The following HORMAD2 variants were observed in gnomAD, a reference collection of about 807,000 sequenced individuals.
HORMAD2 encodes the protein HORMA domain containing 2.
HORMAD2 carries 45 observed loss-of-function variants against 38.8 expected under a neutral mutation model. The ratio of observed to expected loss-of-function variants is 1.16; its 90% confidence interval spans 0.91 to 1.49. The LOEUF is 1.49. Ranked by LOEUF, HORMAD2 falls within the 40% of genes most tolerant of loss-of-function variation. HORMAD2 has a pLI of 0.00. For synonymous variants in HORMAD2, 126 were observed against 122.8 expected, an observed-to-expected ratio of 1.03 and a Z score of -0.17; for missense variants, 338 against 367.0, an observed-to-expected ratio of 0.92 and a Z score of 0.65.
chr22:30,192,880 C>G, the HORMAD2 span, among the ~76,000 whole-genome samples: 1 of 152,120 alleles, frequency 6.6e-6, no homozygotes, highest in African/African-American at 2.4e-5. Context: ...GGTTTCCGTA[C>G]TATAACAGGG....
At chr22:30,126,536 A>T (rs922391869) in intron 10 of HORMAD2, among the ~76,000 whole-genome samples, 3 of 152,134 alleles carry the variant, frequency 2.0e-5, no homozygotes, top group Non-Finnish European at 4.4e-5. Flanking sequence ...GTTGTTGTAG[A>T]CCATCCTGAC....
chr22:30,084,883 C>T (rs910583888), intron 1 of HORMAD2, among the ~76,000 whole-genome samples: 5 of 152,168 alleles, frequency 3.3e-5, no homozygotes, highest in South Asian at 2.1e-4. Flanking sequence ...TGGTGGCTCA[C>T]GCCTGTAATC....
At chr22:30,088,244 TACATATACAC>T (rs2068619790) in intron 1 of HORMAD2, among the ~76,000 whole-genome samples, 1 of 149,758 alleles carries the variant, frequency 6.7e-6, no homozygotes, top group Non-Finnish European at 1.5e-5. Context: ...CACACATATA[TACATATACAC>T]ACATATATAC....
At chr22:30,188,512 C>A in the HORMAD2 span, among the ~76,000 whole-genome samples, 3 of 152,310 alleles carry the variant, frequency 2.0e-5, no homozygotes, top group East Asian at 5.8e-4. Context: ...CAAGGGCCAA[C>A]TTTTTCAAAG....
the HORMAD2 span, among the ~76,000 whole-genome samples, chr22:30,186,971 A>G: frequency 1.3e-5 from 2 of 152,158 alleles, no homozygotes; most frequent in African/African-American, 4.8e-5. Flanking sequence ...TCTGGGAAGT[A>G]AGAATTTTCG....
At chr22:30,160,219 C>T (rs1368010248) in intron 10 of HORMAD2, among the ~76,000 whole-genome samples, 1 of 151,672 alleles carries the variant, frequency 6.6e-6, no homozygotes. Flanking sequence ...AGCATGGTGC[C>T]TTGAATCTTC....
intron 10 of HORMAD2, among the ~76,000 whole-genome samples, chr22:30,141,755 C>T (rs926975003): frequency 1.3e-5 from 2 of 151,884 alleles, no homozygotes; most frequent in Non-Finnish European, 2.9e-5. Context: ...CCACCACCCC[C>T]GGCTAATTTT....
intron 10 of HORMAD2, among the ~76,000 whole-genome samples, chr22:30,155,088 A>G (rs1002265139): frequency 4.0e-5 from 6 of 151,748 alleles, no homozygotes; most frequent in Non-Finnish European, 8.8e-5. Flanking sequence ...AAAAAAAAAA[A>G]AAAAGAAAGA....
chr22:30,173,342 A>G (rs1006475857), intron 10 of HORMAD2, among the ~76,000 whole-genome samples: 5 of 152,236 alleles, frequency 3.3e-5, no homozygotes, highest in Non-Finnish European at 7.3e-5. Flanking sequence ...TCATAGTGGC[A>G]GTAGGGACCA....
At chr22:30,167,731 A>T (rs13057878) in intron 10 of HORMAD2, among the ~76,000 whole-genome samples, 8,927 of 152,262 alleles carry the variant, frequency 0.059, 480 homozygotes, top group South Asian at 0.23. Flanking sequence ...GCCCAAGGAA[A>T]GATCAACCCC....
chr22:30,097,507 C>A (rs776819815), intron 2 of HORMAD2, among the ~76,000 whole-genome samples: 33 of 152,182 alleles, frequency 2.2e-4, no homozygotes, highest in Non-Finnish European at 4.6e-4. Flanking sequence ...TGACATCTTA[C>A]AGAAGCTTTG....
intron 1 of HORMAD2, among the ~76,000 whole-genome samples, chr22:30,086,881 A>G (rs1482575370): frequency 6.6e-6 from 1 of 152,140 alleles, no homozygotes; most frequent in South Asian, 2.1e-4. Flanking sequence ...TGCAACCTCC[A>G]TCTACTGGGT....
intron 10 of HORMAD2, among the ~76,000 whole-genome samples, chr22:30,165,745 G>A (rs1925737209): frequency 6.6e-6 from 1 of 151,974 alleles, no homozygotes; most frequent in African/African-American, 2.4e-5. Context: ...CACCTGAATA[G>A]TCTGCCAATT....
At chr22:30,144,632 G>T (rs1292915982) in intron 10 of HORMAD2, among the ~76,000 whole-genome samples, 1 of 151,972 alleles carries the variant, frequency 6.6e-6, no homozygotes, top group Non-Finnish European at 1.5e-5. Flanking sequence ...CCGAGTGGAG[G>T]GGGGACAGTA....
intron 7 of HORMAD2, among the ~76,000 whole-genome samples, chr22:30,118,065 C>A (rs1922177801): frequency 6.6e-6 from 1 of 152,052 alleles, no homozygotes; most frequent in African/African-American, 2.4e-5. Flanking sequence ...GTTTTTATTT[C>A]TTCCCCTCTG....
upstream of HORMAD2, among the ~76,000 whole-genome samples, chr22:30,079,117 GT>G (rs539066199): frequency 4.2e-3 from 626 of 150,278 alleles, 3 homozygotes; most frequent in Non-Finnish European, 5.4e-3. Flanking sequence ...AACTTGAATA[GT>G]TTTTTTTTTC....
chr22:30,135,679 G>T (rs1249731052), intron 10 of HORMAD2, among the ~76,000 whole-genome samples: 1 of 152,124 alleles, frequency 6.6e-6, no homozygotes, highest in African/African-American at 2.4e-5. Context: ...CAAATGGAGA[G>T]CCCTTCTCGA....
chr22:30,180,203 T>C (rs1926641494), downstream of HORMAD2, among the ~76,000 whole-genome samples: 1 of 152,188 alleles, frequency 6.6e-6, no homozygotes, highest in African/African-American at 2.4e-5. Context: ...TTAAACATTT[T>C]AGTCTGGACT....
chr22:30,134,187 C>A (rs1923487611), intron 10 of HORMAD2, among the ~76,000 whole-genome samples: 1 of 151,886 alleles, frequency 6.6e-6, no homozygotes, highest in Non-Finnish European at 1.5e-5. Flanking sequence ...CACCTGAGGT[C>A]AGGAGTTCGA....
Sources: gnomAD v4.1 joint callset for allele counts (sites outside exome capture counted in the v4.1 genomes callset) on GRCh38, gnomAD v4.1.1 for gene constraint, MANE v1.5 for transcripts, NCBI Gene and HGNC (gene_info 2026-07-23, HGNC 2026-07-21) for gene names.